The following METTL8 variants were observed in gnomAD, a reference collection of about 807,000 sequenced individuals.
METTL8 encodes the protein methyltransferase 8, tRNA N3-cytidine.
A neutral mutation model predicts 48.7 loss-of-function variants in METTL8; 32 were observed. That is an observed-to-expected ratio of 0.66 (90% confidence interval 0.50 to 0.88). The LOEUF is 0.88. Ranked by LOEUF, METTL8 falls within the 40% of genes least tolerant of loss-of-function variation. The probability of loss-of-function intolerance (pLI) is 0.00; values close to 1 mark genes in which losing one functional copy is unlikely to be tolerated. For synonymous variants in METTL8, 136 were observed against 157.1 expected, an observed-to-expected ratio of 0.87 and a Z score of 1.01; for missense variants, 464 against 474.4, an observed-to-expected ratio of 0.98 and a Z score of 0.20.
At chr2:171,333,009 C>T (rs959377976) in intron 5 of METTL8, among the ~76,000 whole-genome samples, 1 of 131,136 alleles carries the variant, frequency 7.6e-6, no homozygotes, top group East Asian at 2.2e-4. Context: ...CAAGGTGAAC[C>T]TCTAAATAAA....
chr2:171,330,519 G>A, intron 7 of METTL8, 40 bp downstream of exon 7: 1 of 1,588,952 alleles, frequency 6.3e-7, no homozygotes, highest in Non-Finnish European at 8.6e-7. Flanking sequence ...ACTGATAAAG[G>A]AGCTTTACAC....
chr2:171,424,414 C>T (rs1199392666), intron 1 of METTL8, among the ~76,000 whole-genome samples: 1 of 152,212 alleles, frequency 6.6e-6, no homozygotes, highest in African/African-American at 2.4e-5. Context: ...CTCAGACACT[C>T]TACACCAGCC....
chr2:171,362,541 C>T (rs187979501), intron 2 of METTL8, among the ~76,000 whole-genome samples: 8 of 149,324 alleles, frequency 5.4e-5, no homozygotes, highest in African/African-American at 1.2e-4. Context: ...GTTGAAGGTA[C>T]GAAACTGTTT....
In METTL8 at chr2:171,325,845, T is replaced by G. The variant is rs1684891882; in HGVS notation, c.1029A>C (p.Thr343=). The change falls in exon 9 of 10, where the codon ACA becomes ACC. Residue 343 remains threonine (T), a synonymous_variant. Transcript: ENST00000375258. ...RGDGTRAYFF[T]KGEVHSMFCK... is the part of the protein sequence containing the mutation. The stretch of plus-strand genomic sequence containing the variant: ...TCCTTTTGTAGATTAGCATACCTTT[T>G]GTAAAGAAATATGCTCTGGTACCAT... The G allele has an allele frequency of 1.3e-6, 2 of 1,570,152 alleles. No individual in the cohort carries two copies. Among genetic ancestry groups the G allele is most frequent in the East Asian group, 4.5e-5 (2 of 44,620 alleles).
At chr2:171,361,185 T>C (rs1043163803) in intron 2 of METTL8, among the ~76,000 whole-genome samples, 1 of 152,148 alleles carries the variant, frequency 6.6e-6, no homozygotes, top group Non-Finnish European at 1.5e-5. Flanking sequence ...AATGTCTTTC[T>C]TGGAATAGAA....
chr2:171,391,567 C>T (rs1688580028), intron 2 of METTL8, among the ~76,000 whole-genome samples: 1 of 152,158 alleles, frequency 6.6e-6, no homozygotes, highest in Non-Finnish European at 1.5e-5. Context: ...TCAGCTTTTT[C>T]TGTAAATATC....
At chr2:171,411,526 T>C (rs1690748142) in intron 1 of METTL8, among the ~76,000 whole-genome samples, 1 of 152,130 alleles carries the variant, frequency 6.6e-6, no homozygotes, top group Non-Finnish European at 1.5e-5. Context: ...AGAATACATA[T>C]ATAAGAATTC....
chr2:171,426,037 A>T (rs1273190041), intron 1 of METTL8, among the ~76,000 whole-genome samples: 1 of 152,106 alleles, frequency 6.6e-6, no homozygotes, highest in African/African-American at 2.4e-5. Context: ...GGCACCTGTA[A>T]TCCCAGCTAC....
chr2:171,394,564 A>G (rs778328922), intron 1 of METTL8, among the ~76,000 whole-genome samples: 3 of 152,172 alleles, frequency 2.0e-5, no homozygotes, highest in Non-Finnish European at 2.9e-5. Context: ...GCCAGGGTCT[A>G]AATATGTGGC....
At chr2:171,428,462 C>G (rs555666515) in intron 1 of METTL8, among the ~76,000 whole-genome samples, 2 of 151,806 alleles carry the variant, frequency 1.3e-5, no homozygotes, top group East Asian at 3.9e-4. Context: ...TCAGCACCAG[C>G]CTTTGAGATT....
intron 1 of METTL8, among the ~76,000 whole-genome samples, chr2:171,426,976 C>A (rs185205987): frequency 2.4e-4 from 36 of 152,328 alleles, no homozygotes; most frequent in Non-Finnish European, 4.3e-4. Context: ...CATGCCCTAG[C>A]CACATAACAA....
chr2:171,350,782 T>C lies in METTL8; in HGVS notation c.235+9640A>G, dbSNP rs1683828163. On this transcript the variant is annotated intron_variant, in intron 3 of 9. Coordinates refer to ENST00000375258, the MANE Select transcript of METTL8 (RefSeq NM_001321154.2). Reference sequence around the variant, plus strand: ...TCTTCTTTTGAGAAGTGTCTATTCATATCCTTTGCCCACTTTTTGATGGGG... The same window carrying C: ...TCTTCTTTTGAGAAGTGTCTATTCACATCCTTTGCCCACTTTTTGATGGGG... Among the ~76,000 whole-genome samples the C allele has an allele frequency of 3.3e-5, 5 of 152,358 alleles. No homozygotes were observed. In the South Asian group the frequency reaches 8.3e-4, roughly 25 times the overall value.
intron 1 of METTL8, among the ~76,000 whole-genome samples, chr2:171,419,052 C>T (rs1453524326): frequency 6.6e-6 from 1 of 151,480 alleles, no homozygotes; most frequent in African/African-American, 2.4e-5. Flanking sequence ...TTTCAGTTGG[C>T]TCCTATATTC....
chr2:171,363,812 A>ATATATG (rs1353749107), intron 2 of METTL8, among the ~76,000 whole-genome samples: 3 of 138,324 alleles, frequency 2.2e-5, no homozygotes, highest in Admixed American at 7.3e-5. Flanking sequence ...ATATATATAT[A>ATATATG]TATCTTTTTT....
chr2:171,419,462 A>G (rs1691660508), intron 1 of METTL8, among the ~76,000 whole-genome samples: 1 of 152,212 alleles, frequency 6.6e-6, no homozygotes, highest in South Asian at 2.1e-4. Flanking sequence ...ACAGTAAGAA[A>G]CCTGGTTCCT....
intron 1 of METTL8, among the ~76,000 whole-genome samples, chr2:171,428,143 A>T (rs1311406291): frequency 6.6e-6 from 1 of 152,248 alleles, no homozygotes; most frequent in African/African-American, 2.4e-5. Flanking sequence ...AAGAAGAACT[A>T]ATATTTGTTC....
chr2:171,334,155 G>T (rs1037802172), intron 5 of METTL8, among the ~76,000 whole-genome samples: 3 of 152,156 alleles, frequency 2.0e-5, no homozygotes, highest in Admixed American at 1.3e-4. Context: ...CTGGACACTG[G>T]TATGTCTAGC....
At chr2:171,391,097 C>G (rs1274083694) in intron 2 of METTL8, among the ~76,000 whole-genome samples, 2 of 152,164 alleles carry the variant, frequency 1.3e-5, no homozygotes, top group Non-Finnish European at 2.9e-5. Flanking sequence ...CACAGCCACT[C>G]CAACCACCAC....
chr2:171,332,915 C>G (rs755010404), intron 5 of METTL8: 9 of 151,652 alleles, frequency 5.9e-5, no homozygotes, highest in Non-Finnish European at 1.2e-4. Flanking sequence ...TCCTGAGAGC[C>G]CAAACTGGTA....
Sources: gnomAD v4.1 joint callset for allele counts (sites outside exome capture counted in the v4.1 genomes callset) on GRCh38, gnomAD v4.1.1 for gene constraint, MANE v1.5 for transcripts, NCBI Gene and HGNC (gene_info 2026-07-23, HGNC 2026-07-21) for gene names.